The following SORCS1 variants were observed in gnomAD, a reference collection of about 807,000 sequenced individuals.
SORCS1 encodes the protein VPS10 domain-containing receptor SorCS1.
Under a neutral mutation model 146.1 loss-of-function variants are expected in SORCS1, and 60 were observed. The ratio of observed to expected loss-of-function variants is 0.41; its 90% CI spans 0.33 to 0.51. The LOEUF is 0.51. SORCS1 is among the 20% of genes least tolerant of loss of function. The pLI is 0.21. For missense variants in SORCS1, 1,352 were observed against 1,487.6 expected (o/e 0.91, Z 1.50); for synonymous variants, 637 against 584.0 (o/e 1.09, Z -1.31).
chr10:106,577,369 G>A lies in SORCS1; in HGVS notation c.*51C>T. The A allele has an allele frequency of 6.2e-7, 1 of 1,613,026 alleles. No homozygotes were observed. The highest frequency in any genetic ancestry group is 8.5e-7 in the Non-Finnish European group (1 of 1,179,312). On this transcript the variant is annotated 3_prime_UTR_variant, in exon 26 of 26. Coordinates refer to ENST00000263054, the MANE Select transcript of SORCS1 (RefSeq NM_052918.5). ...ATGAAGGATGATGTACTTGACAAGAGCGAAATTCTTTCCTGATCAGCAGGT... is the reference window on the plus strand; with the variant it reads ...ATGAAGGATGATGTACTTGACAAGAACGAAATTCTTTCCTGATCAGCAGGT...
intron 1 of SORCS1, among the ~76,000 whole-genome samples, chr10:106,985,498 C>A (rs1455383641): frequency 1.3e-5 from 2 of 150,118 alleles, no homozygotes; most frequent in African/African-American, 2.4e-5. Context: ...ATGTTCAAGA[C>A]AACACGTGAA....
intron 17 of SORCS1, among the ~76,000 whole-genome samples, chr10:106,656,182 G>A (rs1462807166): frequency 6.6e-6 from 1 of 152,090 alleles, no homozygotes; most frequent in African/African-American, 2.4e-5. Context: ...ATTTTGATAT[G>A]CTTCTGTCAC....
chr10:106,887,188 A>G (rs1321363847), intron 2 of SORCS1, among the ~76,000 whole-genome samples: 1 of 152,242 alleles, frequency 6.6e-6, no homozygotes, highest in East Asian at 1.9e-4. Flanking sequence ...TGCTTTTTCA[A>G]TACATGTAAT....
chr10:106,977,729 G>C (rs958237327), intron 1 of SORCS1, among the ~76,000 whole-genome samples: 10 of 151,780 alleles, frequency 6.6e-5, no homozygotes, highest in African/African-American at 2.2e-4. Context: ...ATACAAATAT[G>C]CATCTTTTAA....
At chr10:107,087,855 T>G (rs1304672355) in intron 1 of SORCS1, among the ~76,000 whole-genome samples, 3 of 152,232 alleles carry the variant, frequency 2.0e-5, no homozygotes, top group African/African-American at 7.2e-5. Flanking sequence ...TCCCTTTTGG[T>G]TGCTAGAGTT....
At chr10:106,956,469 T>A (rs916366991) in intron 2 of SORCS1, 44 bp downstream of exon 2, 3 of 1,583,934 alleles carry the variant, frequency 1.9e-6, no homozygotes, top group Non-Finnish European at 2.6e-6. Flanking sequence ...GCAGGCATCA[T>A]GCTTAAATAA....
chr10:106,611,477 G>A (rs1307111076), intron 22 of SORCS1, among the ~76,000 whole-genome samples: 2 of 152,132 alleles, frequency 1.3e-5, no homozygotes, highest in South Asian at 2.1e-4. Flanking sequence ...TCACAGTTGC[G>A]GAAGTTGGAA....
At chr10:107,059,228 T>A (rs2098819266) in intron 1 of SORCS1, among the ~76,000 whole-genome samples, 1 of 152,140 alleles carries the variant, frequency 6.6e-6, no homozygotes, top group South Asian at 2.1e-4. Context: ...ACAAGGGACT[T>A]CACTCCACAG....
chr10:106,989,495 G>T (rs1365202599), intron 1 of SORCS1, among the ~76,000 whole-genome samples: 2 of 151,452 alleles, frequency 1.3e-5, no homozygotes, highest in African/African-American at 4.9e-5. Flanking sequence ...ACACTTTAAG[G>T]TCCACTCACA....
chr10:106,712,349 T>C lies in SORCS1; in HGVS notation c.1025-3008A>G, dbSNP rs560855002. 6.6e-5 allele frequency among the ~76,000 whole-genome samples: 10 copies of C among 152,322 alleles called. No individual in the cohort carries two copies. The South Asian group carries it at 2.1e-3, about 32-fold the overall frequency. ...GGGGTCTGGTATCTCATTGTCTAGATGCAGTGATCTGGTAAGCTTAAGTTC... is the reference window on the plus strand; with the variant it reads ...GGGGTCTGGTATCTCATTGTCTAGACGCAGTGATCTGGTAAGCTTAAGTTC... On this transcript the variant is annotated intron_variant, in intron 6 of 25. Coordinates refer to ENST00000263054, the MANE Select transcript of SORCS1 (RefSeq NM_052918.5).
At chr10:106,952,181 A>G (rs1954717082) in intron 2 of SORCS1, among the ~76,000 whole-genome samples, 1 of 152,154 alleles carries the variant, frequency 6.6e-6, no homozygotes, top group East Asian at 1.9e-4. Context: ...CTCATCTCCC[A>G]TCTCCTCAGC....
At chr10:106,913,460 C>T (rs1200330171) in intron 2 of SORCS1, among the ~76,000 whole-genome samples, 1 of 152,194 alleles carries the variant, frequency 6.6e-6, no homozygotes, top group Non-Finnish European at 1.5e-5. Flanking sequence ...ATAGTATTTA[C>T]ATCTCAAAAG....
chr10:106,692,963 A>T (rs1453108940), intron 9 of SORCS1, among the ~76,000 whole-genome samples: 1 of 152,082 alleles, frequency 6.6e-6, no homozygotes, highest in African/African-American at 2.4e-5. Context: ...AATAAAAAAT[A>T]AAAAATAAAT....
At chr10:106,898,381 G>C (rs1361716737) in intron 2 of SORCS1, among the ~76,000 whole-genome samples, 2 of 151,868 alleles carry the variant, frequency 1.3e-5, no homozygotes, top group Non-Finnish European at 2.9e-5. Flanking sequence ...CAGGACTGCT[G>C]TCCTTCTGCT....
At chr10:106,791,406 T>C (rs183260872) in intron 3 of SORCS1, among the ~76,000 whole-genome samples, 2 of 152,310 alleles carry the variant, frequency 1.3e-5, no homozygotes, top group African/African-American at 4.8e-5. Context: ...GGATAAAGAA[T>C]ATGAATTTTG....
At chr10:106,894,748 T>C (rs1209271513) in intron 2 of SORCS1, among the ~76,000 whole-genome samples, 2 of 151,838 alleles carry the variant, frequency 1.3e-5, no homozygotes, top group Non-Finnish European at 2.9e-5. Context: ...GCTGGTAAAA[T>C]AAAAAAAAGA....
chr10:106,600,679 C>T (rs1482250805), intron 23 of SORCS1: 4 of 985,282 alleles, frequency 4.1e-6, no homozygotes, highest in Non-Finnish European at 3.6e-6. Flanking sequence ...CAGAACACAT[C>T]TTAGGTGTCA....
intron 1 of SORCS1, among the ~76,000 whole-genome samples, chr10:106,986,181 T>C (rs1039369809): frequency 6.6e-6 from 1 of 152,034 alleles, no homozygotes; most frequent in African/African-American, 2.4e-5. Flanking sequence ...TGAAAACAAA[T>C]TTGGAAACTT....
chr10:107,077,605 G>T (rs1374818703), intron 1 of SORCS1, among the ~76,000 whole-genome samples: 1 of 150,440 alleles, frequency 6.6e-6, no homozygotes, highest in Admixed American at 6.7e-5. Context: ...TCACATACTA[G>T]ATCTCATTTA....
Sources: allele counts gnomAD v4.1 joint callset (sites outside exome capture counted in the v4.1 genomes callset), GRCh38; gene constraint gnomAD v4.1.1; transcripts MANE v1.5; gene names NCBI Gene and HGNC (gene_info 2026-07-23, HGNC 2026-07-21).